The following ANKRD2 variants were observed in gnomAD, a reference collection of about 807,000 sequenced individuals.
ANKRD2 encodes ankyrin repeat domain 2, also known as ankyrin repeat domain-containing protein 2.
Under a neutral mutation model 37.3 loss-of-function variants are expected in ANKRD2, and 35 were observed. The ratio of observed to expected loss-of-function variants is 0.94; its 90% CI spans 0.72 to 1.24. The LOEUF (loss-of-function observed/expected upper bound fraction) is 1.24. Among genes scored for constraint, ANKRD2 ranks in the 50% most tolerant of loss-of-function variants. The pLI is 0.00. For synonymous variants in ANKRD2, 159 were observed against 186.5 expected (o/e 0.85, Z 1.20); for missense variants, 410 against 445.6 (o/e 0.92, Z 0.72).
chr10:97,583,872 C>T lies in ANKRD2; in HGVS notation c.*147C>T, dbSNP rs1000838610. On this transcript the variant is annotated 3_prime_UTR_variant, in exon 9 of 9. Transcript: ENST00000370655. ...ACCACAAACTACCACAATAAAAAAG[C>T]TGTTTTTGCTAATTGCGATGTTCAT... 55 of 922,470 alleles carry T rather than the reference C, an allele frequency of 6.0e-5. No individual in the cohort carries two copies. Among genetic ancestry groups the T allele is most frequent in the Admixed American group, 1.6e-4 (4 of 24,666 alleles). The allele number at this position is 922,470 out of a possible 1,614,324, so 57.1% of individuals were successfully genotyped here.
intron 2 of ANKRD2, 79 bp from the exon 3 acceptor site, chr10:97,578,161 C>CCCCCCCCTT: frequency 8.2e-6 from 11 of 1,338,006 alleles, no homozygotes; most frequent in South Asian, 1.3e-5. Flanking sequence ...CCACCCTCCC[C>CCCCCCCCTT]ACCAGCTTAG....
chr10:97,583,564 C>A lies in ANKRD2; in HGVS notation c.853-12C>A. The A allele has an allele frequency of 1.3e-6, 2 of 1,591,454 alleles. No homozygotes were observed. Among genetic ancestry groups the A allele is most frequent in the East Asian group, 2.3e-5 (1 of 43,694 alleles). Reference sequence around the variant, plus strand: ...TCTTGCCAACCCCCACGCCCCGTCCCGCCCCCTCCAGGCAGGAAAGACCCC... The same window carrying A: ...TCTTGCCAACCCCCACGCCCCGTCCAGCCCCCTCCAGGCAGGAAAGACCCC... On this transcript the variant is annotated splice_polypyrimidine_tract_variant and intron_variant, in intron 8 of 8. Coordinates refer to ENST00000370655, the MANE Select transcript of ANKRD2 (RefSeq NM_001346793.2).
chr10:97,580,827 C>T (rs2040887761), intron 4 of ANKRD2, 28 bp from the exon 5 acceptor site: 1 of 1,577,440 alleles, frequency 6.3e-7, no homozygotes, highest in African/African-American at 1.3e-5. Context: ...AGCCAGAGGC[C>T]AGGCCCTGAC....
intron 4 of ANKRD2, among the ~76,000 whole-genome samples, chr10:97,579,173 ATTT>A (rs200455140): frequency 6.9e-6 from 1 of 144,700 alleles, no homozygotes. Flanking sequence ...AAAGATATAG[ATTT>A]TTTTTTTTTT....
chr10:97,578,157 T>TC, intron 2 of ANKRD2, 83 bp from the exon 3 acceptor site: 1 of 251,108 alleles, frequency 4.0e-6, no homozygotes, highest in South Asian at 2.8e-5. Flanking sequence ...CACCCCACCC[T>TC]CCCCACCAGC....
At chr10:97,572,671 G>T, upstream of ANKRD2, 1 of 1,576,912 alleles carries the variant, frequency 6.3e-7, no homozygotes, top group Non-Finnish European at 8.6e-7. Flanking sequence ...AAGGTGACAG[G>T]TGGGGGAGGC....
chr10:97,581,005 G>A (rs773731559), intron 5 of ANKRD2, 52 bp downstream of exon 5: 5 of 1,486,702 alleles, frequency 3.4e-6, no homozygotes, highest in Non-Finnish European at 4.6e-6. Context: ...GTCCAGCACT[G>A]ACAGACACCC....
intron 1 of ANKRD2, 33 bp from the exon 2 acceptor site, chr10:97,577,767 G>C: frequency 6.6e-7 from 1 of 1,517,054 alleles, no homozygotes; most frequent in Non-Finnish European, 8.9e-7. Flanking sequence ...GTCTCCTCGG[G>C]TCCTGGAGAA....
chr10:97,574,915 T>G (rs1160398277), intron 1 of ANKRD2, among the ~76,000 whole-genome samples: 1 of 147,940 alleles, frequency 6.8e-6, no homozygotes, highest in Non-Finnish European at 1.5e-5. Context: ...CACACAGACC[T>G]TCAGCAAGGG....
chr10:97,577,907 C>T lies in ANKRD2; in HGVS notation c.189+6C>T, dbSNP rs922854786. On this transcript the variant is annotated splice_donor_region_variant and intron_variant, in intron 2 of 8. Transcript: ENST00000370655. Reference sequence around the variant, plus strand: ...CAGCCCTGCAGAAGGTGAAGGTAAGCCTGGGAGGATCCAATGTCTGCACCC... The same window carrying T: ...CAGCCCTGCAGAAGGTGAAGGTAAGTCTGGGAGGATCCAATGTCTGCACCC... The T allele has an allele frequency of 1.2e-5, 19 of 1,553,666 alleles. No homozygotes were observed. The highest frequency in any genetic ancestry group is 1.7e-5 in the Non-Finnish European group (19 of 1,149,256).
In ANKRD2 at chr10:97,581,409, G is replaced by C. The variant is rs1157721004; in HGVS notation, c.649G>C (p.Asp217His). The stretch of plus-strand genomic sequence containing the variant: ...CCATGGAGCAGACACCAATGTGAGG[G>C]ATAAGGTGAGGCAAAAACACTCAGA... ...QSHGADTNVR[D>H]KLLSTPLHVA... The change falls in exon 6 of 9, where the codon GAT (aspartate) becomes CAT (histidine). Residue 217 changes from aspartate to histidine, a missense_variant. Transcript: ENST00000370655. 1 of 1,614,012 alleles carries C rather than the reference G, an allele frequency of 6.2e-7. No individual in the cohort carries two copies. The highest frequency in any genetic ancestry group is 8.5e-7 in the Non-Finnish European group (1 of 1,179,982).
intron 1 of ANKRD2, among the ~76,000 whole-genome samples, chr10:97,577,592 G>C (rs1239695879): frequency 1.3e-5 from 2 of 152,232 alleles, no homozygotes; most frequent in African/African-American, 4.8e-5. Context: ...GCTCAGGGTT[G>C]GGACTGGGGC....
At chr10:97,578,963 T>C (rs1234903027) in intron 4 of ANKRD2, among the ~76,000 whole-genome samples, 1 of 152,162 alleles carries the variant, frequency 6.6e-6, no homozygotes, top group Non-Finnish European at 1.5e-5. Context: ...GCCCTCTCCA[T>C]GCCTCAGTTT....
chr10:97,581,277 C>T (rs765413689), intron 5 of ANKRD2, 39 bp from the exon 6 acceptor site: 1 of 1,591,310 alleles, frequency 6.3e-7, no homozygotes, highest in Non-Finnish European at 8.6e-7. Context: ...TACTTTCTTC[C>T]CTGCAGCTCT....
chr10:97,577,579 TG>T (rs1766925447), intron 1 of ANKRD2, among the ~76,000 whole-genome samples: 1 of 152,234 alleles, frequency 6.6e-6, no homozygotes, highest in Non-Finnish European at 1.5e-5. Context: ...GGCAGGTGTC[TG>T]AGCTCAGGGT....
In ANKRD2 at chr10:97,577,654, G is replaced by A; in HGVS notation, c.88-146G>A. On this transcript the variant is annotated intron_variant, in intron 1 of 8. Coordinates refer to ENST00000370655, the MANE Select transcript of ANKRD2 (RefSeq NM_001346793.2). ...TTTTGGGGGCCCCTCCAGGGGCCCTGCTCTTGCTGGGGGCTCCCCAGGATC... is the reference window on the plus strand; with the variant it reads ...TTTTGGGGGCCCCTCCAGGGGCCCTACTCTTGCTGGGGGCTCCCCAGGATC... The A allele has an allele frequency of 5.1e-6, 3 of 593,340 alleles. No individual in the cohort carries two copies. In the South Asian group the frequency reaches 7.1e-5, roughly 14 times the overall value. 36.8% of individuals were successfully genotyped at this position (593,340 alleles called of 1,614,324 possible).
At chr10:97,578,209 G>A in intron 2 of ANKRD2, 31 bp from the exon 3 acceptor site, 1 of 1,367,702 alleles carries the variant, frequency 7.3e-7, no homozygotes. Flanking sequence ...TCTCTGCCCG[G>A]CCTGGGGGGT....
intron 5 of ANKRD2, 68 bp from the exon 6 acceptor site, chr10:97,581,248 G>A: frequency 6.7e-7 from 1 of 1,495,940 alleles, no homozygotes; most frequent in East Asian, 2.3e-5. Flanking sequence ...CTTCCTGGCT[G>A]GGGTACATTA....
intron 4 of ANKRD2, among the ~76,000 whole-genome samples, chr10:97,579,241 G>A (rs1468324744): frequency 6.6e-6 from 1 of 151,228 alleles, no homozygotes; most frequent in African/African-American, 2.4e-5. Flanking sequence ...TTCACTGAAT[G>A]AATGAAGAAA....
Sources: gnomAD v4.1 joint callset for allele counts (sites outside exome capture counted in the v4.1 genomes callset) on GRCh38, gnomAD v4.1.1 for gene constraint, MANE v1.5 for transcripts, NCBI Gene and HGNC (gene_info 2026-07-23, HGNC 2026-07-21) for gene names.